Variants in FOXK2 observed in about 807,000 individuals in gnomAD.
FOXK2 encodes forkhead box K2, also known as forkhead box protein K2.
Under a neutral mutation model 53.3 loss-of-function variants are expected in FOXK2, and 24 were observed. The ratio of observed to expected loss-of-function variants is 0.45; its 90% CI spans 0.33 to 0.63. The LOEUF (loss-of-function observed/expected upper bound fraction) is 0.63, where lower values mean the gene tolerates loss of function less well. Among genes scored for constraint, FOXK2 ranks in the 30% least tolerant of loss-of-function variants. The pLI is 0.03. For synonymous variants in FOXK2, 505 were observed against 407.1 expected (o/e 1.24, Z -2.89); for missense variants, 952 against 910.5 (o/e 1.05, Z -0.59).
intron 8 of FOXK2, among the ~76,000 whole-genome samples, chr17:82,588,730 G>A (rs2045222842): frequency 6.6e-6 from 1 of 151,978 alleles, no homozygotes; most frequent in Admixed American, 6.6e-5. Context: ...GGCTTTCTGG[G>A]TCCACCTCTC....
chr17:82,573,311 G>A (rs2044939693), intron 4 of FOXK2, among the ~76,000 whole-genome samples: 1 of 151,956 alleles, frequency 6.6e-6, no homozygotes, highest in Non-Finnish European at 1.5e-5. Context: ...GGCCCACCTT[G>A]TGCCCACCCC....
At chr17:82,532,837 G>A (rs2044485396) in intron 1 of FOXK2, among the ~76,000 whole-genome samples, 1 of 151,922 alleles carries the variant, frequency 6.6e-6, no homozygotes, top group Admixed American at 6.6e-5. Context: ...CAAAGTGCTG[G>A]GATTACAGGT....
rs1555636252 is a variant in FOXK2 at position 82,542,177 on chromosome 17, T to TTTG, written c.420-21175_420-21174insGTT. Among the ~76,000 whole-genome samples the TTTG allele has an allele frequency of 6.1e-5, 9 of 148,744 alleles. No homozygotes were observed. The East Asian group carries it at 8.1e-4, about 13-fold the overall frequency. On this transcript the variant is annotated intron_variant, in intron 1 of 8. Coordinates refer to ENST00000335255, the MANE Select transcript of FOXK2 (RefSeq NM_004514.4). Reference sequence around the variant, plus strand: ...TTTTTTTCTTCTTTCTTTTTTTTTTTTTTGAGACAGTTTCGTTCTTGTCGC... The same window carrying TTTG: ...TTTTTTTCTTCTTTCTTTTTTTTTTTTTGTTTGAGACAGTTTCGTTCTTGTCGC...
intron 1 of FOXK2, among the ~76,000 whole-genome samples, chr17:82,532,893 T>G (rs1274863226): frequency 6.6e-6 from 1 of 152,234 alleles, no homozygotes; most frequent in Non-Finnish European, 1.5e-5. Context: ...TATTCTTATT[T>G]GATAAGCTTT....
In FOXK2 at chr17:82,602,206, G is replaced by C. The variant is rs2045394257; in HGVS notation, c.*707G>C. 6.6e-6 allele frequency: 1 copy of C among 152,218 alleles called. No individual in the cohort carries two copies. The highest frequency in any genetic ancestry group is 1.5e-5 in the Non-Finnish European group (1 of 68,056). 9.4% of individuals were successfully genotyped at this position (152,218 alleles called of 1,614,324 possible). Reference sequence around the variant, plus strand: ...CAGCATGTGGCTCGCGTGGACAGGTGGACGGACGCTGTGGCCGCATGGAAC... The same window carrying C: ...CAGCATGTGGCTCGCGTGGACAGGTCGACGGACGCTGTGGCCGCATGGAAC... On this transcript the variant is annotated 3_prime_UTR_variant, in exon 9 of 9. Transcript: ENST00000335255.
At position 82,519,773 on chromosome 17, in the gene FOXK2, C is replaced by CTCG; in HGVS notation, c.-116_-115insTCG. The CTCG allele has an allele frequency of 7.1e-6, 2 of 280,326 alleles. No homozygotes were observed. Among genetic ancestry groups the CTCG allele is most frequent in the Non-Finnish European group, 1.1e-5 (2 of 189,248 alleles). The allele number at this position is 280,326 out of a possible 1,614,324, so 17.4% of individuals were successfully genotyped here. ...CGCTCGCTCGCCGGCCGGCGGCCTCCGCTCGGCCCCCTCCCTCAGCTCCGG... is the reference window on the plus strand; with the variant it reads ...CGCTCGCTCGCCGGCCGGCGGCCTCCTCGGCTCGGCCCCCTCCCTCAGCTCCGG... On this transcript the variant is annotated 5_prime_UTR_variant, in exon 1 of 9. Coordinates refer to ENST00000335255, the MANE Select transcript of FOXK2 (RefSeq NM_004514.4).
intron 8 of FOXK2, among the ~76,000 whole-genome samples, chr17:82,592,551 C>T (rs2045262664): frequency 6.6e-6 from 1 of 152,268 alleles, no homozygotes; most frequent in South Asian, 2.1e-4. Context: ...TTTGCTGCTG[C>T]TTCACCCTGC....
intron 8 of FOXK2, among the ~76,000 whole-genome samples, chr17:82,598,394 C>T (rs76594663): frequency 0.069 from 10,504 of 152,232 alleles, 416 homozygotes; most frequent in Middle Eastern, 0.14. Context: ...TGGCCTACGC[C>T]TCTTGTATTC....
chr17:82,541,437 T>A (rs1355855110), intron 1 of FOXK2, among the ~76,000 whole-genome samples: 2 of 151,866 alleles, frequency 1.3e-5, no homozygotes, highest in Non-Finnish European at 1.5e-5. Flanking sequence ...CACGCCCGGC[T>A]AATTTTTGTA....
At chr17:82,541,134 A>G (rs2044570956) in intron 1 of FOXK2, among the ~76,000 whole-genome samples, 1 of 152,178 alleles carries the variant, frequency 6.6e-6, no homozygotes, top group Non-Finnish European at 1.5e-5. Context: ...ACCTTTTAGC[A>G]TAGGTGTCAG....
intron 4 of FOXK2, chr17:82,576,533 T>C: frequency 1.5e-6 from 1 of 646,934 alleles, no homozygotes; most frequent in East Asian, 2.8e-5. Context: ...TTTTCCAAGA[T>C]GTATTCTGTC....
At chr17:82,557,118 C>T (rs1252266459) in intron 1 of FOXK2, among the ~76,000 whole-genome samples, 2 of 151,574 alleles carry the variant, frequency 1.3e-5, no homozygotes, top group Non-Finnish European at 2.9e-5. Flanking sequence ...CTGCAACCTC[C>T]ACCTCCCAGG....
intron 8 of FOXK2, chr17:82,600,964 T>C: frequency 4.8e-6 from 1 of 207,304 alleles, no homozygotes; most frequent in African/African-American, 2.3e-5. Flanking sequence ...TCAGCCTTTC[T>C]CCCCCAGCAG....
chr17:82,574,329 T>TG (rs2044957084), intron 4 of FOXK2, among the ~76,000 whole-genome samples: 1 of 151,768 alleles, frequency 6.6e-6, no homozygotes, highest in African/African-American at 2.4e-5. Context: ...CTCTTTTTTT[T>TG]TTTTTTTTGA....
chr17:82,528,995 G>A (rs572281779), intron 1 of FOXK2, among the ~76,000 whole-genome samples: 3 of 152,218 alleles, frequency 2.0e-5, no homozygotes, highest in Admixed American at 2.0e-4. Context: ...CTGGCATCTA[G>A]TGGACAGAGG....
chr17:82,521,373 C>T (rs573168330), intron 1 of FOXK2, among the ~76,000 whole-genome samples: 2 of 150,876 alleles, frequency 1.3e-5, no homozygotes, highest in African/African-American at 2.4e-5. Context: ...GGGGTTTCAC[C>T]ATCTTGGCCA....
chr17:82,587,194 C>G lies in FOXK2; in HGVS notation c.1708C>G (p.Leu570Val). 6.2e-7 allele frequency: 1 copy of G among 1,613,108 alleles called. No individual in the cohort carries two copies. The highest frequency in any genetic ancestry group is 8.5e-7 in the Non-Finnish European group (1 of 1,180,028). ...VQQAPLGQHQ[L>V]PIKTVTQNGT... ...ACAGGCACCTCTAGGTCAACACCAG[C>G]TACCAATAAAAACTGTAACACAAAA... is the stretch of plus-strand genomic sequence containing the variant. Residue 570 changes from leucine (L) to valine (V), a missense_variant, in exon 8 of 9, where the codon CTA becomes GTA. Coordinates refer to ENST00000335255, the MANE Select transcript of FOXK2 (RefSeq NM_004514.4).
At chr17:82,595,371 A>T (rs540185674) in intron 8 of FOXK2, among the ~76,000 whole-genome samples, 113 of 152,280 alleles carry the variant, frequency 7.4e-4, no homozygotes, top group African/African-American at 2.1e-3. Context: ...GCGTGATCAC[A>T]GCTCAGTGCA....
intron 7 of FOXK2, 39 bp downstream of exon 7, chr17:82,586,239 G>A (rs1322065070): frequency 1.9e-6 from 2 of 1,036,504 alleles, no homozygotes; most frequent in Non-Finnish European, 2.5e-6. Context: ...AGACCACAGG[G>A]AGGTGAAAGG....
Sources: gnomAD v4.1 joint callset for allele counts (sites outside exome capture counted in the v4.1 genomes callset) on GRCh38, gnomAD v4.1.1 for gene constraint, MANE v1.5 for transcripts, NCBI Gene and HGNC (gene_info 2026-07-23, HGNC 2026-07-21) for gene names.